HDAC9: variants seen among roughly 807,000 people sequenced by gnomAD.
HDAC9 encodes histone deacetylase 9.
In HDAC9, 41 loss-of-function variants were observed where a neutral mutation model predicts 139.4. The ratio of observed to expected loss-of-function variants is 0.29; its 90% CI spans 0.23 to 0.38. The LOEUF is 0.38. Among genes scored for constraint, HDAC9 ranks in the 10% least tolerant of loss-of-function variants. HDAC9 has a pLI of 1.00. For synonymous variants in HDAC9, 517 were observed against 476.2 expected (o/e 1.09, Z -1.12); for missense variants, 1,147 against 1,297.0 (o/e 0.88, Z 1.78).
chr7:18,108,279 AATG>A (rs1374675366), intron 1 of HDAC9, among the ~76,000 whole-genome samples: 1 of 152,184 alleles, frequency 6.6e-6, no homozygotes, highest in Admixed American at 6.5e-5. Flanking sequence ...TTCAAGTAGC[AATG>A]ACCAGGGAGT....
intron 17 of HDAC9, among the ~76,000 whole-genome samples, chr7:18,825,817 T>A (rs1192906476): frequency 6.8e-6 from 1 of 148,136 alleles, no homozygotes; most frequent in Non-Finnish European, 1.5e-5. Flanking sequence ...TATAAACAAA[T>A]ACACACATAT....
intron 1 of HDAC9, among the ~76,000 whole-genome samples, chr7:18,427,989 G>A (rs1221467338): frequency 6.6e-6 from 1 of 152,084 alleles, no homozygotes; most frequent in Non-Finnish European, 1.5e-5. Context: ...TGCAGTATGT[G>A]TCCTTCTGTG....
At chr7:18,426,512 A>G (rs1397327381) in intron 1 of HDAC9, among the ~76,000 whole-genome samples, 1 of 152,186 alleles carries the variant, frequency 6.6e-6, no homozygotes, top group Non-Finnish European at 1.5e-5. Context: ...GCATTGGGTT[A>G]CCATATTTAG....
At chr7:18,218,636 G>C (rs1440526210) in intron 2 of HDAC9, among the ~76,000 whole-genome samples, 1 of 152,042 alleles carries the variant, frequency 6.6e-6, no homozygotes, top group Non-Finnish European at 1.5e-5. Context: ...TAGAAGTTAC[G>C]CTTAGGTCCA....
intron 2 of HDAC9, among the ~76,000 whole-genome samples, chr7:18,253,918 A>G (rs1370332138): frequency 6.6e-6 from 1 of 152,178 alleles, no homozygotes; most frequent in African/African-American, 2.4e-5. Flanking sequence ...CCAAAATTTA[A>G]TCATGTCATT....
intron 14 of HDAC9, among the ~76,000 whole-genome samples, chr7:18,755,132 G>T (rs558049519): frequency 6.6e-6 from 1 of 152,270 alleles, no homozygotes; most frequent in East Asian, 1.9e-4. Flanking sequence ...AAAGGATATG[G>T]CAGTCTTGGA....
At chr7:18,155,386 A>G (rs1053932527) in intron 1 of HDAC9, among the ~76,000 whole-genome samples, 3 of 152,176 alleles carry the variant, frequency 2.0e-5, no homozygotes, top group Non-Finnish European at 2.9e-5. Context: ...AAGGCTTACT[A>G]CGAAAAGGTC....
chr7:18,290,315 T>C, upstream of HDAC9: 1 of 363,752 alleles, frequency 2.7e-6, no homozygotes. Flanking sequence ...GGGCAATGAG[T>C]TGGGAAAACT....
At chr7:18,096,149 A>G (rs1321031452) in intron 1 of HDAC9, among the ~76,000 whole-genome samples, 1 of 152,172 alleles carries the variant, frequency 6.6e-6, no homozygotes, top group Non-Finnish European at 1.5e-5. Flanking sequence ...GTATTCCAAG[A>G]TTTCTGGAAT....
rs181784032 is a variant in HDAC9 at position 18,347,717 on chromosome 7, G to T, written c.-42+57202G>T. On this transcript the variant is annotated intron_variant, in intron 1 of 3. Transcript: ENST00000413509. ...GATTTAAGTGATTCTCCTGCTTCAG[G>T]CTCCCGAGTAGCTGGACTACAAGGT... Among the ~76,000 whole-genome samples, 459 of 151,862 alleles carry T rather than the reference G, an allele frequency of 3.0e-3. 2 individuals are homozygous for T. Among genetic ancestry groups the T allele is most frequent in the African/African-American group, 0.011 (438 of 41,424 alleles).
At chr7:18,598,775 G>T (rs1328292977) in intron 6 of HDAC9, among the ~76,000 whole-genome samples, 9 of 152,162 alleles carry the variant, frequency 5.9e-5, no homozygotes, top group African/African-American at 1.9e-4. Flanking sequence ...CTAATAAAAA[G>T]GTGATCAATA....
intron 1 of HDAC9, among the ~76,000 whole-genome samples, chr7:18,398,761 T>C (rs947900708): frequency 3.3e-5 from 5 of 152,188 alleles, no homozygotes; most frequent in Non-Finnish European, 7.3e-5. Flanking sequence ...CTATATGCTG[T>C]ATTTTAGCCC....
chr7:18,843,511 C>T (rs1339183021), intron 21 of HDAC9, among the ~76,000 whole-genome samples: 3 of 152,078 alleles, frequency 2.0e-5, no homozygotes. Context: ...TATAGAGTCA[C>T]ACTTTTCTTC....
chr7:18,113,953 G>A (rs1254784385), intron 1 of HDAC9, among the ~76,000 whole-genome samples: 1 of 152,130 alleles, frequency 6.6e-6, no homozygotes, highest in African/African-American at 2.4e-5. Flanking sequence ...TGCCCTTAGT[G>A]TGCCATTGTA....
chr7:18,968,809 A>C (rs1404513882), intron 24 of HDAC9, among the ~76,000 whole-genome samples: 1 of 151,950 alleles, frequency 6.6e-6, no homozygotes, highest in Non-Finnish European at 1.5e-5. Flanking sequence ...CATACAAAAA[A>C]TTAGCTGGGC....
chr7:18,742,434 G>T (rs554434273), intron 13 of HDAC9, among the ~76,000 whole-genome samples: 6 of 152,228 alleles, frequency 3.9e-5, no homozygotes, highest in African/African-American at 1.4e-4. Flanking sequence ...TATGTACATT[G>T]GTTTCTTTGA....
At chr7:18,791,406 T>C (rs989468198) in intron 16 of HDAC9, among the ~76,000 whole-genome samples, 1 of 152,206 alleles carries the variant, frequency 6.6e-6, no homozygotes, top group Non-Finnish European at 1.5e-5. Context: ...AAAACCTATA[T>C]AATACATGGT....
At chr7:18,951,931 A>G (rs1013849870) in intron 23 of HDAC9, among the ~76,000 whole-genome samples, 19 of 152,072 alleles carry the variant, frequency 1.2e-4, no homozygotes, top group African/African-American at 3.9e-4. Context: ...TTATAAAAAC[A>G]GACTCTAAAT....
intron 2 of HDAC9, among the ~76,000 whole-genome samples, chr7:18,574,734 G>C (rs561876012): frequency 1.2e-4 from 18 of 152,370 alleles, no homozygotes; most frequent in Admixed American, 1.2e-3. Flanking sequence ...TGTCAGTGCT[G>C]CCCTGAGCAT....
Sources: allele counts gnomAD v4.1 joint callset (sites outside exome capture counted in the v4.1 genomes callset), GRCh38; gene constraint gnomAD v4.1.1; transcripts MANE v1.5; gene names NCBI Gene and HGNC (gene_info 2026-07-23, HGNC 2026-07-21).